SLC44A1: variants seen among roughly 807,000 people sequenced by gnomAD.
The protein encoded by SLC44A1 is choline transporter-like protein 1.
A neutral mutation model predicts 79.3 loss-of-function variants in SLC44A1; 26 were observed. The ratio of observed to expected loss-of-function variants is 0.33; its 90% CI spans 0.24 to 0.46. SLC44A1 has a LOEUF of 0.46. SLC44A1 is among the 20% of genes least tolerant of loss of function. The pLI is 1.00. For synonymous variants in SLC44A1, 263 were observed against 286.2 expected, an observed-to-expected ratio of 0.92 and a Z score of 0.82; for missense variants, 688 against 798.1, an observed-to-expected ratio of 0.86 and a Z score of 1.66.
At position 105,389,242 on chromosome 9, in the gene SLC44A1, T is replaced by C; in HGVS notation, c.*186T>C. On this transcript the variant is annotated 3_prime_UTR_variant, in exon 16 of 16. Coordinates refer to ENST00000374720, the MANE Select transcript of SLC44A1 (RefSeq NM_080546.5). ...AGGAACAGGGATTTAATACCTTTTT[T>C]ATGCTTATTTTTGTCAAACATGTAC... 1.6e-6 allele frequency: 2 copies of C among 1,274,502 alleles called. No individual in the cohort carries two copies. The highest frequency in any genetic ancestry group is 9.9e-7 in the Non-Finnish European group (1 of 1,006,206). The allele number at this position is 1,274,502 out of a possible 1,614,324, so 78.9% of individuals were successfully genotyped here.
At chr9:105,330,928 G>A (rs954797662) in intron 3 of SLC44A1, among the ~76,000 whole-genome samples, 1 of 152,142 alleles carries the variant, frequency 6.6e-6, no homozygotes, top group Non-Finnish European at 1.5e-5. Context: ...TACTTAGGCT[G>A]TTTTGCAATT....
intron 2 of SLC44A1, among the ~76,000 whole-genome samples, chr9:105,303,671 A>G (rs1830940153): frequency 6.6e-6 from 1 of 152,232 alleles, no homozygotes; most frequent in Non-Finnish European, 1.5e-5. Flanking sequence ...ACATAGTGGC[A>G]GCACTGAACC....
chr9:105,363,790 C>G (rs80246199), intron 9 of SLC44A1, among the ~76,000 whole-genome samples: 1 of 152,272 alleles, frequency 6.6e-6, no homozygotes, highest in Non-Finnish European at 1.5e-5. Flanking sequence ...TTAGAACATC[C>G]TAGCAATGTA....
At chr9:105,326,076 C>A (rs957493177) in intron 3 of SLC44A1, among the ~76,000 whole-genome samples, 1 of 151,996 alleles carries the variant, frequency 6.6e-6, no homozygotes. Context: ...GTGAAATGTT[C>A]TTTTTTAAGA....
intron 15 of SLC44A1, among the ~76,000 whole-genome samples, chr9:105,435,986 T>C (rs902610452): frequency 6.6e-6 from 1 of 152,176 alleles, no homozygotes; most frequent in African/African-American, 2.4e-5. Context: ...CCACCTGAGG[T>C]CAGGAGTTTG....
At chr9:105,297,281 G>A (rs187705439) in intron 1 of SLC44A1, among the ~76,000 whole-genome samples, 70 of 152,114 alleles carry the variant, frequency 4.6e-4, no homozygotes, top group African/African-American at 1.5e-3. Flanking sequence ...CCAATTCTCC[G>A]CCCTCATTGT....
chr9:105,250,103 C>T (rs756142878), intron 1 of SLC44A1, among the ~76,000 whole-genome samples: 5 of 151,630 alleles, frequency 3.3e-5, no homozygotes, highest in Non-Finnish European at 7.4e-5. Flanking sequence ...CTCAAACTCC[C>T]GGGTTCAAAC....
chr9:105,277,351 G>A (rs888901753), intron 1 of SLC44A1, among the ~76,000 whole-genome samples: 1 of 152,192 alleles, frequency 6.6e-6, no homozygotes, highest in Non-Finnish European at 1.5e-5. Context: ...CTTTACTGCA[G>A]TTACTCCATT....
chr9:105,410,071 A>T (rs917504550), intron 15 of SLC44A1, among the ~76,000 whole-genome samples: 1 of 152,222 alleles, frequency 6.6e-6, no homozygotes, highest in African/African-American at 2.4e-5. Context: ...TGTTATGAAA[A>T]TAACAAGTAA....
At chr9:105,417,883 G>T (rs1356827700) in intron 15 of SLC44A1, among the ~76,000 whole-genome samples, 1 of 151,350 alleles carries the variant, frequency 6.6e-6, no homozygotes, top group Admixed American at 6.6e-5. Flanking sequence ...CAGGTATGGT[G>T]GCATGTGCCT....
At chr9:105,279,425 C>A (rs1202104172) in intron 1 of SLC44A1, among the ~76,000 whole-genome samples, 1 of 150,244 alleles carries the variant, frequency 6.7e-6, no homozygotes, top group Non-Finnish European at 1.5e-5. Context: ...TCAGCTGATT[C>A]TCCTGCCTCA....
intron 15 of SLC44A1, among the ~76,000 whole-genome samples, chr9:105,423,932 A>G (rs1024411369): frequency 6.6e-6 from 1 of 152,256 alleles, no homozygotes; most frequent in African/African-American, 2.4e-5. Flanking sequence ...TCAAGTAACC[A>G]GGTAAGTGGG....
chr9:105,250,647 T>C (rs1829562229), intron 1 of SLC44A1, among the ~76,000 whole-genome samples: 1 of 152,232 alleles, frequency 6.6e-6, no homozygotes, highest in Admixed American at 6.5e-5. Context: ...AGATACATTA[T>C]GAGGTAGCTG....
intron 1 of SLC44A1, among the ~76,000 whole-genome samples, chr9:105,280,712 G>A (rs1830329762): frequency 6.6e-6 from 1 of 152,132 alleles, no homozygotes; most frequent in Non-Finnish European, 1.5e-5. Flanking sequence ...AAAACAAATT[G>A]GGTAACAAAC....
intron 5 of SLC44A1, among the ~76,000 whole-genome samples, chr9:105,351,878 C>G (rs1176213389): frequency 6.6e-6 from 1 of 152,170 alleles, no homozygotes; most frequent in East Asian, 1.9e-4. Context: ...TTATCTAAAG[C>G]CACACCACTA....
At chr9:105,372,925 G>A (rs1371275645) in intron 12 of SLC44A1, among the ~76,000 whole-genome samples, 2 of 149,266 alleles carry the variant, frequency 1.3e-5, no homozygotes, top group East Asian at 4.0e-4. Context: ...ACTCCAGCCT[G>A]GGCGACAGAG....
intron 1 of SLC44A1, among the ~76,000 whole-genome samples, chr9:105,256,513 A>G (rs1829709678): frequency 6.6e-6 from 1 of 151,468 alleles, no homozygotes; most frequent in Admixed American, 6.6e-5. Flanking sequence ...TTTTGGTTTC[A>G]TTATGTAAGC....
rs1396188884 is a variant in SLC44A1, at chr9:105,383,346, A to G, written c.1856A>G (p.Asp619Gly). 14 of 1,592,982 alleles carry G rather than the reference A, an allele frequency of 8.8e-6. No homozygotes were observed. Among genetic ancestry groups the G allele is most frequent in the Non-Finnish European group, 1.1e-5 (13 of 1,160,664 alleles). The change falls in exon 14 of 16, where the codon GAT becomes GGT. Residue 619 changes from aspartate to glycine, a missense_variant. Asp to Gly is a moderately conservative substitution (Grantham distance 94, BLOSUM62 -1). Coordinates refer to ENST00000374720, the MANE Select transcript of SLC44A1 (RefSeq NM_080546.5). Reference protein sequence around the residue: ...DGSPGREFYMDKVLMEFVENS... With the variant: ...DGSPGREFYMGKVLMEFVENS... ...AGCCCTGGCAGAGAATTCTATATGGATAAAGTGCTGATGGTAAGTACTTCA... is the reference window on the plus strand; with the variant it reads ...AGCCCTGGCAGAGAATTCTATATGGGTAAAGTGCTGATGGTAAGTACTTCA...
rs1826822118 is a variant in SLC44A1, at chr9:105,333,655, C to A, written c.270-1908C>A. Reference sequence around the variant, plus strand: ...TGAAACCCCGTTTCTACTAAAAATACAAAAATTAGCCGGGTGTGGTAGTAG... The same window carrying A: ...TGAAACCCCGTTTCTACTAAAAATAAAAAAATTAGCCGGGTGTGGTAGTAG... On this transcript the variant is annotated intron_variant, in intron 3 of 15. Coordinates refer to ENST00000374720, the MANE Select transcript of SLC44A1 (RefSeq NM_080546.5). 2.6e-5 allele frequency among the ~76,000 whole-genome samples: 4 copies of A among 152,028 alleles called. No individual in the cohort carries two copies. The South Asian group carries it at 8.3e-4, about 32-fold the overall frequency.
Sources: gnomAD v4.1 joint callset for allele counts (sites outside exome capture counted in the v4.1 genomes callset) on GRCh38, gnomAD v4.1.1 for gene constraint, MANE v1.5 for transcripts, NCBI Gene and HGNC (gene_info 2026-07-23, HGNC 2026-07-21) for gene names.